TIAM2: variants seen among roughly 807,000 people sequenced by gnomAD.
The protein encoded by TIAM2 is TIAM Rac1 associated GEF 2.
A neutral mutation model predicts 152.9 loss-of-function variants in TIAM2; 80 were observed. The observed-to-expected ratio is 0.52, with a 90% CI of 0.44 to 0.63. The LOEUF (loss-of-function observed/expected upper bound fraction) is 0.63, where lower values mean the gene tolerates loss of function less well. Ranked by LOEUF, TIAM2 falls within the 30% of genes least tolerant of loss-of-function variation. TIAM2 has a pLI of 0.00. For missense variants in TIAM2, 1,965 were observed against 2,120.1 expected (o/e 0.93, Z 1.44); for synonymous variants, 804 against 838.0 (o/e 0.96, Z 0.70).
intron 1 of TIAM2, among the ~76,000 whole-genome samples, chr6:155,067,897 C>G (rs1777738450): frequency 6.6e-6 from 1 of 152,190 alleles, no homozygotes; most frequent in African/African-American, 2.4e-5. Flanking sequence ...CCGTCTCGGT[C>G]TCCCAAAGTG....
intron 2 of TIAM2, among the ~76,000 whole-genome samples, chr6:155,097,605 T>C (rs553694371): frequency 7.2e-5 from 11 of 152,316 alleles, no homozygotes; most frequent in African/African-American, 2.6e-4. Context: ...CCCCCCAAAG[T>C]GCTGGGATTA....
intron 2 of TIAM2, among the ~76,000 whole-genome samples, chr6:155,115,670 C>T (rs1023450498): frequency 1.3e-5 from 2 of 151,968 alleles, no homozygotes; most frequent in Non-Finnish European, 2.9e-5. Context: ...ATCAATCAAT[C>T]GATGTTAAAA....
At chr6:155,018,057 A>T (rs1273311812) in intron 1 of TIAM2, among the ~76,000 whole-genome samples, 2 of 152,110 alleles carry the variant, frequency 1.3e-5, no homozygotes, top group Admixed American at 6.5e-5. Flanking sequence ...CAAAACAATG[A>T]TATTTTGGAT....
chr6:155,059,282 C>G (rs1489399392), intron 1 of TIAM2, among the ~76,000 whole-genome samples: 42 of 144,206 alleles, frequency 2.9e-4, no homozygotes, highest in Admixed American at 6.3e-4. Flanking sequence ...ATGTCCCTTT[C>G]TGTGTGTGTG....
chr6:155,066,942 A>T, intron 1 of TIAM2, among the ~76,000 whole-genome samples: 1 of 152,122 alleles, frequency 6.6e-6, no homozygotes, highest in Non-Finnish European at 1.5e-5. Context: ...TTTTTAATAG[A>T]GACAGGGTTT....
chr6:155,144,804 G>A (rs545468452), intron 6 of TIAM2, 26 bp downstream of exon 6: 1 of 1,588,460 alleles, frequency 6.3e-7, no homozygotes, highest in South Asian at 1.2e-5. Flanking sequence ...TGTAAGTGGA[G>A]GTAATAGCTT....
chr6:155,218,679 T>C lies in TIAM2; in HGVS notation c.3168+7372T>C, dbSNP rs1281108204. On this transcript the variant is annotated intron_variant, in intron 15 of 26. Transcript: ENST00000682666. The surrounding 1 kb of genome is among the most constrained non-coding windows in gnomAD (Gnocchi z 4.5). ...TGTATACGTGTGTGTGTGAAGGTTT[T>C]CCCTGTTGCTCACCTAATGGCCTCT... is the stretch of plus-strand genomic sequence containing the variant. Among the ~76,000 whole-genome samples, 1 of 152,196 alleles carries C rather than the reference T, an allele frequency of 6.6e-6. No homozygotes were observed. Among genetic ancestry groups the C allele is most frequent in the Non-Finnish European group, 1.5e-5 (1 of 68,046 alleles).
intron 15 of TIAM2, among the ~76,000 whole-genome samples, chr6:155,238,129 A>G (rs1259799725): frequency 6.6e-6 from 1 of 152,162 alleles, no homozygotes; most frequent in South Asian, 2.1e-4. Flanking sequence ...TCTCCCAGAT[A>G]CCTTAAATCA....
chr6:155,060,018 C>T (rs150503557), intron 1 of TIAM2, among the ~76,000 whole-genome samples: 4 of 152,168 alleles, frequency 2.6e-5, no homozygotes. Flanking sequence ...AAGTTTCACC[C>T]GCTGCCTACT....
intron 1 of TIAM2, among the ~76,000 whole-genome samples, chr6:154,996,215 A>G (rs1778209151): frequency 6.6e-6 from 1 of 152,248 alleles, no homozygotes; most frequent in Non-Finnish European, 1.5e-5. Flanking sequence ...TGGGAGTAAC[A>G]TTGCACGAGG....
At chr6:155,021,068 T>C (rs1776470676) in intron 1 of TIAM2, among the ~76,000 whole-genome samples, 1 of 152,184 alleles carries the variant, frequency 6.6e-6, no homozygotes, top group South Asian at 2.1e-4. Context: ...TGTCTTTCCC[T>C]TTTAAAGCGA....
At chr6:155,030,381 T>C (rs972048523) in intron 1 of TIAM2, among the ~76,000 whole-genome samples, 42 of 152,168 alleles carry the variant, frequency 2.8e-4, no homozygotes, top group African/African-American at 1.0e-3. Flanking sequence ...AAGTTGATTT[T>C]AACAGTCCTG....
rs145537039 is a variant in TIAM2, at chr6:155,166,609, C to T, written c.2361+1200C>T. Among the ~76,000 whole-genome samples, 59 of 152,328 alleles carry T rather than the reference C, an allele frequency of 3.9e-4. 1 individual carries two copies. Among genetic ancestry groups the T allele is most frequent in the Admixed American group, 3.8e-3 (58 of 15,300 alleles). On this transcript the variant is annotated intron_variant, in intron 9 of 26. Coordinates refer to ENST00000682666, the MANE Select transcript of TIAM2 (RefSeq NM_012454.4). ...GAGTGCTGATTACAGGCGTGAGCCACCGTGCCTGGCCTCTTCTAACATTTT... is the reference window on the plus strand; with the variant it reads ...GAGTGCTGATTACAGGCGTGAGCCATCGTGCCTGGCCTCTTCTAACATTTT...
chr6:155,115,132 C>A (rs1365937421), intron 2 of TIAM2, among the ~76,000 whole-genome samples: 1 of 148,110 alleles, frequency 6.8e-6, no homozygotes, highest in Non-Finnish European at 1.5e-5. Flanking sequence ...CTGGCCAAAC[C>A]ACTCTTTTGA....
intron 1 of TIAM2, among the ~76,000 whole-genome samples, chr6:155,046,070 A>G (rs1238007918): frequency 6.7e-6 from 1 of 150,230 alleles, no homozygotes; most frequent in Non-Finnish European, 1.5e-5. Flanking sequence ...ATTGCCTTTA[A>G]CTCCGAGTTT....
intron 12 of TIAM2, among the ~76,000 whole-genome samples, chr6:155,180,005 C>T (rs749875859): frequency 1.3e-4 from 20 of 152,320 alleles, no homozygotes; most frequent in African/African-American, 3.4e-4. Flanking sequence ...GTCAGCTGGG[C>T]GCCGTGGCTC....
intron 1 of TIAM2, among the ~76,000 whole-genome samples, chr6:155,069,911 CTTTTTTTTTTTTTTTT>C (rs36093906): frequency 8.0e-6 from 1 of 125,654 alleles, no homozygotes; most frequent in Non-Finnish European, 1.7e-5. Flanking sequence ...CATTTCTTTT[CTTTTTTTTTTTTTTTT>C]TTTGAGACAA....
rs143599677 is a variant in TIAM2 at position 155,256,766 on chromosome 6, C to T, written c.4751C>T (p.Pro1584Leu). ...CGTCAGACTGTGAAGCAGGGCAGCCCTACTAAAGACATCGAAATTCAGTTC... is the reference window on the plus strand; with the variant it reads ...CGTCAGACTGTGAAGCAGGGCAGCCTTACTAAAGACATCGAAATTCAGTTC... ...DHRQTVKQGS[P>L]TKDIEIQFQR... Residue 1584 changes from proline (P) to leucine (L), a missense_variant, in exon 27 of 27, where the codon CCT becomes CTT. Coordinates refer to ENST00000682666, the MANE Select transcript of TIAM2 (RefSeq NM_012454.4). The T allele has an allele frequency of 3.5e-4, 559 of 1,614,086 alleles. No individual in the cohort carries two copies. The highest frequency in any genetic ancestry group is 4.6e-4 in the Non-Finnish European group (542 of 1,180,036).
At chr6:155,155,199 C>T (rs1780075355) in intron 7 of TIAM2, among the ~76,000 whole-genome samples, 1 of 151,240 alleles carries the variant, frequency 6.6e-6, no homozygotes, top group Non-Finnish European at 1.5e-5. Flanking sequence ...TTTTTTAAGG[C>T]AGAGTCTTGC....
Sources: gnomAD v4.1 joint callset for allele counts (sites outside exome capture counted in the v4.1 genomes callset) on GRCh38, gnomAD v4.1.1 for gene constraint, Gnocchi (gnomAD v3.1) non-coding constraint, MANE v1.5 for transcripts, NCBI Gene and HGNC (gene_info 2026-07-23, HGNC 2026-07-21) for gene names.